RBFOX1: variants seen among roughly 807,000 people sequenced by gnomAD.
RBFOX1 encodes the protein RNA binding protein fox-1 homolog 1.
A neutral mutation model predicts 57.7 loss-of-function variants in RBFOX1; 8 were observed. The observed-to-expected ratio is 0.14, with a 90% confidence interval of 0.08 to 0.25. The LOEUF (loss-of-function observed/expected upper bound fraction) is 0.25. Among genes scored for constraint, RBFOX1 ranks in the 10% least tolerant of loss-of-function variants. The probability of loss-of-function intolerance (pLI) is 1.00; values close to 1 mark genes in which losing one functional copy is unlikely to be tolerated. For synonymous variants in RBFOX1, 326 were observed against 222.4 expected (o/e 1.47, Z -4.15); for missense variants, 611 against 548.5 (o/e 1.11, Z -1.14).
intron 4 of RBFOX1, among the ~76,000 whole-genome samples, chr16:7,404,264 G>C (rs1018520266): frequency 1.3e-5 from 2 of 151,950 alleles, no homozygotes; most frequent in Admixed American, 6.6e-5. Flanking sequence ...TGTTAGTCAG[G>C]CTGGTCTCTA....
In RBFOX1 at chr16:5,643,130, C is replaced by T. The variant is rs570136840; in HGVS notation, c.318+44169C>T. ...AAAGCCTCAGCAGCCAGCCTCTAGG[C>T]AGATGCTAGCATTATGGTTGCCACG... On this transcript the variant is annotated intron_variant, in intron 3 of 19. Transcript: ENST00000641259. Among the ~76,000 whole-genome samples the T allele has an allele frequency of 4.6e-5, 7 of 152,248 alleles. No individual in the cohort carries two copies. The East Asian group carries it at 1.4e-3, about 30-fold the overall frequency.
At chr16:7,336,833 A>C (rs762889920) in intron 4 of RBFOX1, among the ~76,000 whole-genome samples, 5 of 152,222 alleles carry the variant, frequency 3.3e-5, no homozygotes, top group Non-Finnish European at 7.3e-5. Context: ...TTGGGCACCA[A>C]AGCTCATTTA....
intron 3 of RBFOX1, among the ~76,000 whole-genome samples, chr16:5,605,530 G>A (rs2151223526): frequency 6.6e-6 from 1 of 152,194 alleles, no homozygotes; most frequent in Admixed American, 6.5e-5. Flanking sequence ...TGGTATAGGA[G>A]GGCAGAGTGG....
In RBFOX1 at chr16:5,832,817, G is replaced by T. The variant is rs148801393; in HGVS notation, c.319-34486G>T. Among the ~76,000 whole-genome samples the T allele has an allele frequency of 3.4e-3, 515 of 152,300 alleles. 13 individuals are homozygous for T. Among genetic ancestry groups the T allele is most frequent in the Admixed American group, 0.026 (395 of 15,296 alleles). On this transcript the variant is annotated intron_variant, in intron 3 of 19. Coordinates refer to the RBFOX1 transcript ENST00000641259. ...AAGCTGACTTTCCTATACTCCAACTGCTTGGGACCACAGGAGCAAAGAGTG... is the reference window on the plus strand; with the variant it reads ...AAGCTGACTTTCCTATACTCCAACTTCTTGGGACCACAGGAGCAAAGAGTG...
At position 6,997,123 on chromosome 16, in the gene RBFOX1, C is replaced by A. The variant is rs188264366; in HGVS notation, c.-15-54934C>A. Reference sequence around the variant, plus strand: ...GTGTTGACTGTGTTTTGCCCCCAAACTTACAACTCTCAATAGTTGTCTTTT... The same window carrying A: ...GTGTTGACTGTGTTTTGCCCCCAAAATTACAACTCTCAATAGTTGTCTTTT... On this transcript the variant is annotated intron_variant, in intron 3 of 15. Transcript: ENST00000550418. 6.8e-3 allele frequency among the ~76,000 whole-genome samples: 1,037 copies of A among 152,228 alleles called. 8 individuals carry two copies. The highest frequency in any genetic ancestry group is 9.1e-3 in the Non-Finnish European group (618 of 67,994).
intron 3 of RBFOX1, among the ~76,000 whole-genome samples, chr16:7,043,257 A>G (rs948490757): frequency 1.3e-5 from 2 of 152,130 alleles, no homozygotes; most frequent in African/African-American, 4.8e-5. Flanking sequence ...GCACCCCTGG[A>G]ACCCTGTTTT....
chr16:6,261,823 C>T (rs1224323147), intron 1 of RBFOX1, among the ~76,000 whole-genome samples: 1 of 151,636 alleles, frequency 6.6e-6, no homozygotes, highest in Non-Finnish European at 1.5e-5. Flanking sequence ...TGATGAAACC[C>T]CGTCTTTACT....
At chr16:7,595,836 A>C in intron 8 of RBFOX1, among the ~76,000 whole-genome samples, 195 bp downstream of exon 8, 1 of 149,000 alleles carries the variant, frequency 6.7e-6, no homozygotes, top group Non-Finnish European at 1.5e-5. Context: ...TTATTATGTT[A>C]CTCTTATACC....
intron 2 of RBFOX1, among the ~76,000 whole-genome samples, chr16:6,480,422 G>C (rs2095355232): frequency 6.6e-6 from 1 of 152,194 alleles, no homozygotes; most frequent in South Asian, 2.1e-4. Context: ...AATGGGCATA[G>C]CTATGTTTCA....
At chr16:6,948,787 C>G (rs139339045) in intron 3 of RBFOX1, among the ~76,000 whole-genome samples, 4 of 152,232 alleles carry the variant, frequency 2.6e-5, no homozygotes, top group Admixed American at 2.0e-4. Flanking sequence ...GAAGAGGAAG[C>G]GTCTTTTCTG....
intron 10 of RBFOX1, among the ~76,000 whole-genome samples, chr16:7,617,716 G>C (rs912084791): frequency 1.3e-5 from 2 of 152,110 alleles, no homozygotes; most frequent in African/African-American, 2.4e-5. Context: ...GCTAGGTGCC[G>C]AGGTACCAAA....
At chr16:6,559,403 C>G (rs2097149587) in intron 2 of RBFOX1, among the ~76,000 whole-genome samples, 1 of 152,004 alleles carries the variant, frequency 6.6e-6, no homozygotes. Context: ...TAGATCCACA[C>G]ACAGCTGCTA....
At chr16:7,309,259 G>T (rs796521170) in intron 4 of RBFOX1, among the ~76,000 whole-genome samples, 23 of 152,328 alleles carry the variant, frequency 1.5e-4, no homozygotes, top group African/African-American at 5.5e-4. Context: ...GCCAGGTAAG[G>T]CCCACATTTC....
At chr16:5,595,880 T>C (rs2047163911) in intron 2 of RBFOX1, among the ~76,000 whole-genome samples, 1 of 152,112 alleles carries the variant, frequency 6.6e-6, no homozygotes, top group African/African-American at 2.4e-5. Context: ...AGGGTTAGGG[T>C]GCATGTCTAG....
intron 2 of RBFOX1, among the ~76,000 whole-genome samples, chr16:6,386,658 A>G (rs1476255665): frequency 6.6e-6 from 1 of 152,252 alleles, no homozygotes; most frequent in Non-Finnish European, 1.5e-5. Flanking sequence ...AAGTTCTTTT[A>G]GTATCTCCAG....
chr16:5,303,482 C>T (rs2063855396), intron 1 of RBFOX1, among the ~76,000 whole-genome samples: 1 of 152,160 alleles, frequency 6.6e-6, no homozygotes. Context: ...CAGCTGCTTC[C>T]CTCAGTTTGT....
In RBFOX1 at chr16:6,931,190, T is replaced by C. The variant is rs566956161; in HGVS notation, c.-15-120867T>C. Among the ~76,000 whole-genome samples the C allele has an allele frequency of 1.6e-4, 25 of 152,096 alleles. 1 individual carries two copies. The South Asian group carries it at 3.5e-3, about 21-fold the overall frequency. On this transcript the variant is annotated intron_variant, in intron 3 of 15. Transcript: ENST00000550418. ...TTACTAGTAATGCGCTGTGTAGATA[T>C]GGCATAATATTTTTAACCTCTTCTC...
chr16:6,448,404 G>A lies in RBFOX1; in HGVS notation c.-64+131347G>A, dbSNP rs1007780304. Among the ~76,000 whole-genome samples the A allele has an allele frequency of 4.6e-5, 7 of 152,010 alleles. No individual in the cohort carries two copies. In the South Asian group the frequency reaches 6.2e-4, roughly 14 times the overall value. ...GAACTCGTGACCTTGTGATCTGCCC[G>A]CCTTGGCCTCCCAAAGTGCTGGGAT... On this transcript the variant is annotated intron_variant, in intron 2 of 15. Coordinates refer to ENST00000550418, the MANE Select transcript of RBFOX1 (RefSeq NM_018723.4).
chr16:6,597,450 G>A lies in RBFOX1; in HGVS notation c.-63-57153G>A, dbSNP rs1284227361. 3.3e-5 allele frequency among the ~76,000 whole-genome samples: 5 copies of A among 152,108 alleles called. No individual in the cohort carries two copies. In the East Asian group the frequency reaches 5.8e-4, roughly 18 times the overall value. ...GCACTTTGGGAGGCCGAGGTGGGCGGATCACAAGGTCAGGAGTTTGAGACC... is the reference window on the plus strand; with the variant it reads ...GCACTTTGGGAGGCCGAGGTGGGCGAATCACAAGGTCAGGAGTTTGAGACC... On this transcript the variant is annotated intron_variant, in intron 2 of 15. Transcript: ENST00000550418.
Sources: allele counts gnomAD v4.1 joint callset (sites outside exome capture counted in the v4.1 genomes callset), GRCh38; gene constraint gnomAD v4.1.1; transcripts MANE v1.5; gene names NCBI Gene and HGNC (gene_info 2026-07-23, HGNC 2026-07-21).